Variants in TYW1 observed in about 807,000 individuals in gnomAD.
TYW1 encodes the protein tRNA-yW synthesizing protein 1 homolog.
In TYW1, 46 loss-of-function variants were observed where a neutral mutation model predicts 96.2. The observed-to-expected ratio is 0.48, with a 90% CI of 0.38 to 0.61. TYW1 has a LOEUF of 0.61. Ranked by LOEUF, TYW1 falls within the 20% of genes least tolerant of loss-of-function variation. TYW1 has a pLI of 0.00. For missense variants in TYW1, 684 were observed against 909.6 expected (o/e 0.75, Z 3.19); for synonymous variants, 274 against 323.0 (o/e 0.85, Z 1.63).
intron 3 of TYW1, among the ~76,000 whole-genome samples, chr7:67,007,754 C>T (rs1793652844): frequency 6.6e-6 from 1 of 152,078 alleles, no homozygotes; most frequent in Non-Finnish European, 1.5e-5. Context: ...CCTCCCTCAG[C>T]CTCCCAAGTA....
At chr7:67,028,059 A>ACC (rs1217899613) in intron 7 of TYW1, among the ~76,000 whole-genome samples, 1 of 151,104 alleles carries the variant, frequency 6.6e-6, no homozygotes, top group African/African-American at 2.4e-5. Flanking sequence ...ACATGGTGAA[A>ACC]CCCCATCTCT....
At chr7:67,032,160 C>T (rs1413298389) in intron 7 of TYW1, among the ~76,000 whole-genome samples, 1 of 151,964 alleles carries the variant, frequency 6.6e-6, no homozygotes, top group Non-Finnish European at 1.5e-5. Context: ...AGAGAAAAGA[C>T]CATTGTCTGG....
chr7:67,093,537 A>G (rs1387148573), intron 11 of TYW1, among the ~76,000 whole-genome samples: 1 of 152,180 alleles, frequency 6.6e-6, no homozygotes, highest in Non-Finnish European at 1.5e-5. Context: ...TCAGCTGCTC[A>G]TGGTGCGGAT....
chr7:67,003,914 C>A (rs1445351775), intron 3 of TYW1, among the ~76,000 whole-genome samples: 1 of 152,078 alleles, frequency 6.6e-6, no homozygotes, highest in Non-Finnish European at 1.5e-5. Context: ...TGTGGTGGCA[C>A]ATGCCTGTAA....
intron 10 of TYW1, among the ~76,000 whole-genome samples, chr7:67,070,755 C>A (rs4718450): frequency 0.04 from 6,079 of 152,156 alleles, 182 homozygotes; most frequent in Middle Eastern, 0.1. Context: ...TATGCCTCCT[C>A]AGGGAGAGTT....
At chr7:67,179,531 A>G (rs1799772738) in intron 13 of TYW1, among the ~76,000 whole-genome samples, 1 of 135,122 alleles carries the variant, frequency 7.4e-6, no homozygotes, top group Admixed American at 7.4e-5. Context: ...TGTAAAGTGA[A>G]GATAATAATC....
chr7:66,998,007 A>G lies in TYW1; in HGVS notation c.5-58A>G, dbSNP rs114797515. The G allele has an allele frequency of 6.1e-4, 918 of 1,495,786 alleles. 9 individuals carry two copies. The African/African-American group carries it at 0.012, about 19-fold the overall frequency. The allele number at this position is 1,495,786 out of a possible 1,614,324, so 92.7% of individuals were successfully genotyped here. A position where few individuals can be genotyped will look rare whatever the true frequency, so the allele number is the denominator to read the frequency against. On this transcript the variant is annotated intron_variant, in intron 1 of 15. Coordinates refer to ENST00000359626, the MANE Select transcript of TYW1 (RefSeq NM_018264.4). ...GTTTTATTTTCTTCTTAAAATTGGGATGGATATCTTTGTATATGTAGCTTT... is the reference window on the plus strand; with the variant it reads ...GTTTTATTTTCTTCTTAAAATTGGGGTGGATATCTTTGTATATGTAGCTTT...
chr7:67,219,789 C>T (rs1394652435), intron 15 of TYW1, among the ~76,000 whole-genome samples: 1 of 148,236 alleles, frequency 6.7e-6, no homozygotes, highest in African/African-American at 2.5e-5. Context: ...ATTCATCCAG[C>T]TAAAGGTTTG....
intron 14 of TYW1, among the ~76,000 whole-genome samples, chr7:67,194,469 AC>A (rs1800323651): frequency 6.6e-6 from 1 of 152,098 alleles, no homozygotes; most frequent in Non-Finnish European, 1.5e-5. Flanking sequence ...TACTAAAAAT[AC>A]AAAAATTAGC....
rs144546635 is a variant in TYW1, at chr7:67,201,056, C to T, written c.1977+5719C>T. Among the ~76,000 whole-genome samples, 325 of 151,994 alleles carry T rather than the reference C, an allele frequency of 2.1e-3. 1 individual carries two copies. The highest frequency in any genetic ancestry group is 7.1e-3 in the African/African-American group (295 of 41,418). ...TTTCCCTAAAGGGCATGGGGAGGCACTGAAGAGCTTTAGGTAGGGGAGTGC... is the reference window on the plus strand; with the variant it reads ...TTTCCCTAAAGGGCATGGGGAGGCATTGAAGAGCTTTAGGTAGGGGAGTGC... On this transcript the variant is annotated intron_variant, in intron 15 of 15. Transcript: ENST00000359626.
intron 12 of TYW1, among the ~76,000 whole-genome samples, chr7:67,101,782 A>G (rs6962222): frequency 0.27 from 41,694 of 152,074 alleles, 6,474 homozygotes; most frequent in African/African-American, 0.43. Context: ...ACAGGCGTGA[A>G]CCACCGAGCC....
intron 15 of TYW1, among the ~76,000 whole-genome samples, chr7:67,228,914 C>T (rs1490023069): frequency 2.0e-5 from 3 of 152,256 alleles, no homozygotes; most frequent in Non-Finnish European, 4.4e-5. Flanking sequence ...CAAGGGAAAC[C>T]GATGGGAAGT....
chr7:67,081,882 G>C (rs978640732), intron 10 of TYW1, among the ~76,000 whole-genome samples: 3 of 140,956 alleles, frequency 2.1e-5, no homozygotes, highest in Non-Finnish European at 3.1e-5. Context: ...GACATTGTTT[G>C]TTCTCCTTGA....
intron 9 of TYW1, among the ~76,000 whole-genome samples, chr7:67,057,467 A>T (rs1795558359): frequency 6.6e-6 from 1 of 150,982 alleles, no homozygotes; most frequent in African/African-American, 2.4e-5. Flanking sequence ...GGTTCAAGTG[A>T]TTATCATGTC....
intron 7 of TYW1, among the ~76,000 whole-genome samples, chr7:67,030,493 G>T (rs188709275): frequency 1.8e-5 from 2 of 113,548 alleles, no homozygotes; most frequent in Admixed American, 8.9e-5. Flanking sequence ...TTAGCTGGGC[G>T]TAGTGGTACG....
Position 67,018,011 on chromosome 7 carries a change from T to G in TYW1, c.729T>G (p.Leu243=). The G allele has an allele frequency of 1.2e-6, 2 of 1,614,004 alleles. No homozygotes were observed. Among genetic ancestry groups the G allele is most frequent in the Non-Finnish European group, 1.7e-6 (2 of 1,180,010 alleles). The change falls in exon 6 of 16, where the codon CTT becomes CTG. Residue 243 remains leucine, a synonymous_variant. Transcript: ENST00000359626. ...AGTTCATCTCCCAGCTGCAGGCACT[T>G]CAGAAAGGGGAGAGAAAGAAGTCCT... ...KTKFISQLQA[L]QKGERKKSCG... is the part of the protein sequence containing the mutation.
Position 67,029,382 on chromosome 7 carries a change from C to CGTGT in TYW1, c.984+4391_984+4394dup, listed in dbSNP as rs67162571. Among the ~76,000 whole-genome samples the CGTGT allele has an allele frequency of 5.1e-3, 542 of 106,774 alleles. 28 individuals carry two copies. Among genetic ancestry groups the CGTGT allele is most frequent in the Non-Finnish European group, 7.7e-3 (405 of 52,568 alleles). 70.0% of individuals were successfully genotyped at this position (106,774 alleles called of 152,430 possible). A position where few individuals can be genotyped will look rare whatever the true frequency, so the allele number is the denominator to read the frequency against. ...AAACTTAGTTAAATATGTGTGTGTG[C>CGTGT]GTGTGTGTGTGTGTGTGTGTGTGTG... On this transcript the variant is annotated intron_variant, in intron 7 of 15. Coordinates refer to ENST00000359626, the MANE Select transcript of TYW1 (RefSeq NM_018264.4).
chr7:67,075,121 T>A (rs1796161998), intron 10 of TYW1, among the ~76,000 whole-genome samples: 1 of 152,196 alleles, frequency 6.6e-6, no homozygotes, highest in South Asian at 2.1e-4. Context: ...TTTATTTTGA[T>A]TATATGTGAA....
At chr7:67,036,847 C>T (rs1413035374) in intron 7 of TYW1, among the ~76,000 whole-genome samples, 2 of 152,176 alleles carry the variant, frequency 1.3e-5, no homozygotes, top group Non-Finnish European at 2.9e-5. Context: ...GTCTGGCAGC[C>T]AAGGCAGCAG....
Sources: allele counts gnomAD v4.1 joint callset (sites outside exome capture counted in the v4.1 genomes callset), GRCh38; gene constraint gnomAD v4.1.1; transcripts MANE v1.5; gene names NCBI Gene and HGNC (gene_info 2026-07-23, HGNC 2026-07-21).